PNLIP: variants seen among roughly 807,000 people sequenced by gnomAD.
PNLIP encodes pancreatic triacylglycerol lipase.
A neutral mutation model predicts 57.1 loss-of-function variants in PNLIP; 49 were observed. The observed-to-expected ratio is 0.86, with a 90% CI of 0.68 to 1.09. The LOEUF is 1.09. PNLIP is among the 50% of genes least tolerant of loss of function. The pLI is 0.00. For synonymous variants in PNLIP, 209 were observed against 200.4 expected (o/e 1.04, Z -0.36); for missense variants, 503 against 570.2 (o/e 0.88, Z 1.20).
intron 9 of PNLIP, among the ~76,000 whole-genome samples, chr10:116,557,244 G>T (rs566612774): frequency 1.3e-5 from 2 of 152,192 alleles, no homozygotes; most frequent in South Asian, 2.1e-4. Flanking sequence ...AAAGCCTCAG[G>T]TTTCATTCAG....
chr10:116,560,285 A>G, intron 10 of PNLIP, 131 bp from the exon 11 acceptor site: 1 of 528,092 alleles, frequency 1.9e-6, no homozygotes, highest in Non-Finnish European at 3.4e-6. Flanking sequence ...TTACACACAC[A>G]CACACACACA....
chr10:116,567,635 C>A, intron 12 of PNLIP, 100 bp from the exon 13 acceptor site: 1 of 924,256 alleles, frequency 1.1e-6, no homozygotes, highest in East Asian at 2.4e-5. Flanking sequence ...GTGCGCCCTT[C>A]CCTCAGACTA....
At chr10:116,546,250 G>A (rs1347907617) in intron 2 of PNLIP, 112 bp downstream of exon 2, 2 of 913,580 alleles carry the variant, frequency 2.2e-6, no homozygotes, top group Non-Finnish European at 3.6e-6. Context: ...TTACTTCAAG[G>A]AGTAAAGCAC....
intron 3 of PNLIP, 63 bp from the exon 4 acceptor site, chr10:116,548,297 T>C: frequency 6.4e-7 from 1 of 1,556,624 alleles, no homozygotes; most frequent in South Asian, 1.2e-5. Context: ...CCCCTCTCCA[T>C]GTACAAATGG....
chr10:116,559,120 GCATCCT>G (rs1564726788), intron 9 of PNLIP, 28 bp from the exon 10 acceptor site: 1 of 1,597,842 alleles, frequency 6.3e-7, no homozygotes, highest in Non-Finnish European at 8.5e-7. Context: ...AAAAGATAGG[GCATCCT>G]CATTCATCAT....
chr10:116,547,214 G>A, intron 2 of PNLIP, 80 bp from the exon 3 acceptor site: 1 of 1,343,818 alleles, frequency 7.4e-7, no homozygotes, highest in South Asian at 1.2e-5. Flanking sequence ...ACCACACAGT[G>A]TAATTGAACT....
chr10:116,550,976 A>G (rs1847184240), intron 4 of PNLIP, 122 bp from the exon 5 acceptor site: 1 of 741,112 alleles, frequency 1.3e-6, no homozygotes, highest in Admixed American at 3.6e-5. Flanking sequence ...TGTCAATTGC[A>G]TTAGGGTTAA....
intron 7 of PNLIP, 29 bp from the exon 8 acceptor site, chr10:116,555,359 T>C: frequency 1.2e-6 from 2 of 1,614,156 alleles, no homozygotes; most frequent in Non-Finnish European, 1.7e-6. Context: ...TACATTAGCA[T>C]AAACCCTCAT....
chr10:116,549,693 A>G (rs972833063), intron 4 of PNLIP, among the ~76,000 whole-genome samples: 2 of 152,226 alleles, frequency 1.3e-5, no homozygotes, highest in Admixed American at 6.5e-5. Context: ...GCTGATGATT[A>G]CTGGAGGGAG....
intron 5 of PNLIP, among the ~76,000 whole-genome samples, chr10:116,552,583 G>A (rs1338837247): frequency 6.6e-6 from 1 of 152,114 alleles, no homozygotes; most frequent in Non-Finnish European, 1.5e-5. Context: ...AAAGTTAAAA[G>A]TTTAAAAAAA....
chr10:116,557,840 T>C (rs1847268801), intron 9 of PNLIP, among the ~76,000 whole-genome samples: 1 of 152,172 alleles, frequency 6.6e-6, no homozygotes, highest in East Asian at 1.9e-4. Flanking sequence ...TATACGAATA[T>C]GTCTTCTCCA....
Position 116,548,423 on chromosome 10 carries a change from T to C in PNLIP, c.265T>C (p.Phe89Leu). ...SNFKTNRKTR[F>L]IIHGFIDKGE... ...TTTCAAAACAAATAGAAAAACTCGC[T>C]TTATTATTCATGGATTCATAGACAA... is the stretch of plus-strand genomic sequence containing the variant. The change falls in exon 4 of 13, where the codon TTT becomes CTT. Residue 89 changes from phenylalanine to leucine, a missense_variant. Physicochemically the swap from Phe to Leu is conservative, Grantham distance 22. Transcript: ENST00000369221. 2 of 1,614,110 alleles carry C rather than the reference T, an allele frequency of 1.2e-6. No individual in the cohort carries two copies. Among genetic ancestry groups the C allele is most frequent in the Admixed American group, 1.7e-5 (1 of 60,022 alleles).
intron 5 of PNLIP, among the ~76,000 whole-genome samples, chr10:116,551,910 T>C (rs1445066157): frequency 1.3e-5 from 2 of 152,212 alleles, no homozygotes; most frequent in African/African-American, 2.4e-5. Flanking sequence ...GCGCGCCTCA[T>C]TGAATTCTGC....
At position 116,547,382 on chromosome 10, in the gene PNLIP, T is replaced by C; in HGVS notation, c.135T>C (p.Pro45=). 6.2e-7 allele frequency: 1 copy of C among 1,614,086 alleles called. No homozygotes were observed. Among genetic ancestry groups the C allele is most frequent in the Non-Finnish European group, 8.5e-7 (1 of 1,179,956 alleles). The change falls in exon 3 of 13, where the codon CCT becomes CCC. Residue 45 remains proline (P), a synonymous_variant. Transcript: ENST00000369221. ...GITERPLHIL[P]WSPKDVNTRF... ...CGGAAAGACCCCTCCATATATTGCC[T>C]TGGTCTCCAAAAGATGTCAACACCC...
chr10:116,556,008 G>A lies in PNLIP; in HGVS notation c.820G>A (p.Asp274Asn), dbSNP rs1240812224. ...DIDGIWEGTR[D>N]FAACNHLRSY... is the part of the protein sequence containing the mutation. ...TTGTGTCTGATTCAAAGGGACTCGA[G>A]ACTTTGCGGCCTGTAATCACTTAAG... The change falls in exon 9 of 13, where the codon GAC (aspartate) becomes AAC (asparagine). Residue 274 changes from aspartate to asparagine, a missense_variant. Asp to Asn is a conservative substitution (Grantham distance 23, BLOSUM62 1). Transcript: ENST00000369221. 6.2e-7 allele frequency: 1 copy of A among 1,606,878 alleles called. No homozygotes were observed. The highest frequency in any genetic ancestry group is 8.5e-7 in the Non-Finnish European group (1 of 1,173,738).
At chr10:116,567,707 G>A in intron 12 of PNLIP, 28 bp from the exon 13 acceptor site, 4 of 1,595,410 alleles carry the variant, frequency 2.5e-6, no homozygotes, top group Non-Finnish European at 2.6e-6. Flanking sequence ...GGAAGAGGAG[G>A]TGACTTTGTG....
chr10:116,555,225 C>G lies in PNLIP; in HGVS notation c.619C>G (p.Arg207Gly). 1 of 1,614,166 alleles carries G rather than the reference C, an allele frequency of 6.2e-7. No individual in the cohort carries two copies. The highest frequency in any genetic ancestry group is 8.5e-7 in the Non-Finnish European group (1 of 1,180,010). The change falls in exon 7 of 13, where the codon CGA becomes GGA. Residue 207 changes from arginine (R) to glycine (G), a missense_variant. Physicochemically the swap from Arg to Gly is moderately radical, Grantham distance 125. Transcript: ENST00000369221. Reference sequence around the variant, plus strand: ...CTTTCAGGGCACACCTGAATTAGTCCGATTGGACCCCAGCGATGCCAAATT... The same window carrying G: ...CTTTCAGGGCACACCTGAATTAGTCGGATTGGACCCCAGCGATGCCAAATT... ...PCFQGTPELV[R>G]LDPSDAKFVD... is the part of the protein sequence containing the mutation.
chr10:116,561,363 A>T (rs968328805), intron 11 of PNLIP, 109 bp from the exon 12 acceptor site: 2 of 716,760 alleles, frequency 2.8e-6, no homozygotes, highest in African/African-American at 3.6e-5. Context: ...CTGGTCTTAG[A>T]AACATAAATG....
At chr10:116,555,363 C>G (rs768877062) in intron 7 of PNLIP, 25 bp from the exon 8 acceptor site, 2 of 1,613,974 alleles carry the variant, frequency 1.2e-6, no homozygotes, top group Non-Finnish European at 1.7e-6. Context: ...TTAGCATAAA[C>G]CCTCATGTAT....
Sources: gnomAD v4.1 joint callset for allele counts (sites outside exome capture counted in the v4.1 genomes callset) on GRCh38, gnomAD v4.1.1 for gene constraint, MANE v1.5 for transcripts, NCBI Gene and HGNC (gene_info 2026-07-23, HGNC 2026-07-21) for gene names.